Variants in TNFRSF13B observed in about 807,000 individuals in gnomAD.
TNFRSF13B encodes tumor necrosis factor receptor superfamily member 13B.
In TNFRSF13B, 34 loss-of-function variants were observed where a neutral mutation model predicts 24.0. The ratio of observed to expected loss-of-function variants is 1.41; its 90% CI spans 1.08 to 1.88. The LOEUF (loss-of-function observed/expected upper bound fraction) is 1.88, where lower values mean the gene tolerates loss of function less well. Ranked by LOEUF, TNFRSF13B falls within the 40% of genes most tolerant of loss-of-function variation. The pLI, the probability that TNFRSF13B is intolerant of heterozygous loss-of-function variation, is 0.00. For synonymous variants in TNFRSF13B, 173 were observed against 150.3 expected, an observed-to-expected ratio of 1.15 and a Z score of -1.10; for missense variants, 415 against 380.8, an observed-to-expected ratio of 1.09 and a Z score of -0.75.
intron 1 of TNFRSF13B, among the ~76,000 whole-genome samples, chr17:16,955,598 G>A (rs2087619369): frequency 6.6e-6 from 1 of 152,234 alleles, no homozygotes. Context: ...CCAGACTGAA[G>A]GAGTCAATCA....
At position 16,939,830 on chromosome 17, in the gene TNFRSF13B, G is replaced by T. The variant is rs1567649591; in HGVS notation, c.632-33C>A. ...GGCGAGAGTGGAGGGCGTGGGCCAG[G>T]CCTGGCCCTGCACTAGGGTAGGGGT... On this transcript the variant is annotated intron_variant, in intron 4 of 4. Transcript: ENST00000261652. 2.5e-6 allele frequency: 4 copies of T among 1,601,370 alleles called. No homozygotes were observed. The Admixed American group carries it at 5.1e-5, about 20-fold the overall frequency.
chr17:16,950,494 T>C (rs2087581195), intron 2 of TNFRSF13B, among the ~76,000 whole-genome samples: 1 of 152,358 alleles, frequency 6.6e-6, no homozygotes, highest in Non-Finnish European at 1.5e-5. Context: ...GATCACGGAA[T>C]TGGGACCTTA....
At chr17:16,971,225 T>G (rs1232645553) in intron 1 of TNFRSF13B, among the ~76,000 whole-genome samples, 1 of 152,000 alleles carries the variant, frequency 6.6e-6, no homozygotes, top group African/African-American at 2.4e-5. Context: ...GGTGGGCACC[T>G]ATAATCTCAG....
chr17:16,967,676 C>G (rs371180669), intron 1 of TNFRSF13B, among the ~76,000 whole-genome samples: 14 of 140,556 alleles, frequency 1.0e-4, no homozygotes, highest in African/African-American at 3.8e-4. Flanking sequence ...GGCGTGAACC[C>G]AGGAGGCGGG....
chr17:16,950,788 C>G (rs557933899), intron 2 of TNFRSF13B, among the ~76,000 whole-genome samples: 1 of 152,078 alleles, frequency 6.6e-6, no homozygotes, highest in South Asian at 2.1e-4. Flanking sequence ...GCCTGGGACT[C>G]AGTCCTCCCC....
At chr17:16,958,177 C>A (rs1024164911) in intron 1 of TNFRSF13B, among the ~76,000 whole-genome samples, 1 of 151,366 alleles carries the variant, frequency 6.6e-6, no homozygotes, top group African/African-American at 2.4e-5. Flanking sequence ...CAAACTAGGA[C>A]GTCATAAGTT....
intron 3 of TNFRSF13B, chr17:16,940,930 C>T: frequency 2.8e-6 from 3 of 1,090,580 alleles, no homozygotes; most frequent in South Asian, 2.9e-5. Flanking sequence ...CCTTGGTATC[C>T]ATGGGGGACT....
chr17:16,939,921 C>A (rs2087496783), intron 4 of TNFRSF13B, 124 bp from the exon 5 acceptor site: 11 of 1,342,856 alleles, frequency 8.2e-6, no homozygotes, highest in Non-Finnish European at 9.8e-6. Flanking sequence ...CGTAGAACGC[C>A]CCCAGACAGG....
At chr17:16,951,528 G>A (rs2087588490) in intron 2 of TNFRSF13B, among the ~76,000 whole-genome samples, 1 of 152,230 alleles carries the variant, frequency 6.6e-6, no homozygotes, top group Admixed American at 6.5e-5. Flanking sequence ...TTTGGATTAT[G>A]TTTCACAGGT....
At chr17:16,960,163 T>A (rs4985725) in intron 1 of TNFRSF13B, among the ~76,000 whole-genome samples, 118,596 of 152,038 alleles carry the variant, frequency 0.78, 46,988 homozygotes, top group East Asian at 0.99. Context: ...CTTAGTGGTC[T>A]TCTCAATTGA....
At chr17:16,944,406 G>A (rs140518207) in intron 3 of TNFRSF13B, among the ~76,000 whole-genome samples, 7 of 152,232 alleles carry the variant, frequency 4.6e-5, no homozygotes, top group East Asian at 3.9e-4. Flanking sequence ...CTATGAAGGC[G>A]AACAACTCCA....
intron 1 of TNFRSF13B, among the ~76,000 whole-genome samples, chr17:16,965,273 A>G (rs1025263877): frequency 5.3e-5 from 8 of 152,072 alleles, no homozygotes; most frequent in African/African-American, 7.2e-5. Flanking sequence ...TGCCCAGCCA[A>G]TGATAATCAT....
At chr17:16,958,916 C>A (rs4985720) in intron 1 of TNFRSF13B, among the ~76,000 whole-genome samples, 1 of 151,864 alleles carries the variant, frequency 6.6e-6, no homozygotes, top group Admixed American at 6.6e-5. Flanking sequence ...CTACCAGACA[C>A]ATAAATAAGA....
chr17:16,970,377 G>A (rs901229393), intron 1 of TNFRSF13B, among the ~76,000 whole-genome samples: 1 of 152,186 alleles, frequency 6.6e-6, no homozygotes, highest in African/African-American at 2.4e-5. Flanking sequence ...GCCAAGGAGG[G>A]TGATTCTCAG....
At chr17:16,966,845 T>C (rs1447839464) in intron 1 of TNFRSF13B, among the ~76,000 whole-genome samples, 1 of 138,264 alleles carries the variant, frequency 7.2e-6, no homozygotes, top group African/African-American at 2.9e-5. Context: ...TTTTCTTTTT[T>C]TTTTTTTTTT....
chr17:16,955,070 G>A (rs941286758), intron 1 of TNFRSF13B, among the ~76,000 whole-genome samples: 1 of 152,186 alleles, frequency 6.6e-6, no homozygotes, highest in African/African-American at 2.4e-5. Context: ...CACTGACAGC[G>A]GGAGATTCTC....
intron 2 of TNFRSF13B, 146 bp from the exon 3 acceptor site, chr17:16,949,129 A>G: frequency 4.8e-6 from 5 of 1,034,866 alleles, no homozygotes; most frequent in Non-Finnish European, 7.1e-6. Context: ...CTTTTACAAT[A>G]TACACATTGA....
chr17:16,948,793 T>G lies in TNFRSF13B; in HGVS notation c.390A>C (p.Ser130=). 1.9e-6 allele frequency: 3 copies of G among 1,614,242 alleles called. No individual in the cohort carries two copies. Among genetic ancestry groups the G allele is most frequent in the Non-Finnish European group, 2.5e-6 (3 of 1,180,040 alleles). The change falls in exon 3 of 5, where the codon TCA becomes TCC. Residue 130 remains serine, a synonymous_variant. Transcript: ENST00000261652. ...RQRSGEVENN[S]DNSGRYQGLE... ...ATCCTTGGTACCTTCCCGAGTTGTCTGAATTGTTTTCAACTTCTCCACTCC... is the reference window on the plus strand; with the variant it reads ...ATCCTTGGTACCTTCCCGAGTTGTCGGAATTGTTTTCAACTTCTCCACTCC...
rs773773424 is a variant in TNFRSF13B, at chr17:16,940,366, G to A, written c.591C>T (p.Pro197=). 2 of 1,613,936 alleles carry A rather than the reference G, an allele frequency of 1.2e-6. No individual in the cohort carries two copies. Among genetic ancestry groups the A allele is most frequent in the African/African-American group, 1.3e-5 (1 of 75,038 alleles). Residue 197 remains proline (P), a synonymous_variant, in exon 4 of 5, where the codon CCC becomes CCT. Coordinates refer to ENST00000261652, the MANE Select transcript of TNFRSF13B (RefSeq NM_012452.3). ...CCGGACTTTGACGGGGCCTTGAGCG[G>A]GGCTGGCAGGAGCAGGGATCCCCCC... ...KKRGDPCSCQ[P]RSRPRQSPAK...
Sources: gnomAD v4.1 joint callset for allele counts (sites outside exome capture counted in the v4.1 genomes callset) on GRCh38, gnomAD v4.1.1 for gene constraint, MANE v1.5 for transcripts, NCBI Gene and HGNC (gene_info 2026-07-23, HGNC 2026-07-21) for gene names.